Variants in BCAS1 observed in about 807,000 individuals in gnomAD.
BCAS1 encodes the protein brain enriched myelin associated protein 1.
In BCAS1, 46 loss-of-function variants were observed where a neutral mutation model predicts 65.4. That is an observed-to-expected ratio of 0.70 (90% CI 0.55 to 0.90). The LOEUF (loss-of-function observed/expected upper bound fraction) is 0.90, where lower values mean the gene tolerates loss of function less well. Ranked by LOEUF, BCAS1 falls within the 40% of genes least tolerant of loss-of-function variation. The pLI is 0.00. For synonymous variants in BCAS1, 298 were observed against 293.5 expected (o/e 1.02, Z -0.16); for missense variants, 793 against 771.2 (o/e 1.03, Z -0.33).
intron 3 of BCAS1, among the ~76,000 whole-genome samples, chr20:54,046,167 T>C (rs1045153195): frequency 2.6e-5 from 4 of 152,250 alleles, no homozygotes; most frequent in African/African-American, 9.6e-5. Flanking sequence ...CAGTTATCTA[T>C]GGCTGTGTAA....
At chr20:54,030,991 T>C (rs748165177) in intron 3 of BCAS1, among the ~76,000 whole-genome samples, 1 of 151,288 alleles carries the variant, frequency 6.6e-6, no homozygotes, top group Non-Finnish European at 1.5e-5. Context: ...TATAAATGAA[T>C]TGTGGGAATG....
At chr20:54,017,498 C>A (rs767347239) in intron 4 of BCAS1, among the ~76,000 whole-genome samples, 1 of 151,338 alleles carries the variant, frequency 6.6e-6, no homozygotes, top group South Asian at 2.1e-4. Flanking sequence ...CAGGTTCAAG[C>A]GATTCTCATG....
At chr20:54,010,764 G>A (rs891054694) in intron 4 of BCAS1, among the ~76,000 whole-genome samples, 7 of 152,144 alleles carry the variant, frequency 4.6e-5, no homozygotes, top group African/African-American at 1.7e-4. Context: ...ACATTTATAT[G>A]GAAAGACAAA....
intron 8 of BCAS1, among the ~76,000 whole-genome samples, chr20:53,978,776 C>G (rs2090401962): frequency 1.3e-5 from 2 of 152,192 alleles, no homozygotes; most frequent in Non-Finnish European, 2.9e-5. Flanking sequence ...TCTGATCCCC[C>G]TTTAGTGTTT....
intron 12 of BCAS1, among the ~76,000 whole-genome samples, chr20:53,947,829 C>G (rs10485441): frequency 1.3e-5 from 2 of 152,170 alleles, no homozygotes; most frequent in Admixed American, 1.3e-4. Context: ...ATCTCTGCAC[C>G]TTTACAACCC....
intron 4 of BCAS1, among the ~76,000 whole-genome samples, chr20:54,013,997 TATTAAA>T (rs1343911014): frequency 6.6e-6 from 1 of 152,230 alleles, no homozygotes; most frequent in Non-Finnish European, 1.5e-5. Context: ...ATATGTTACG[TATTAAA>T]ATTAAGACTA....
At chr20:53,956,874 A>G (rs1818084243) in intron 11 of BCAS1, among the ~76,000 whole-genome samples, 1 of 152,234 alleles carries the variant, frequency 6.6e-6, no homozygotes, top group African/African-American at 2.4e-5. Context: ...TGTCATAGCT[A>G]TGTTTCTTTA....
chr20:54,018,009 T>A (rs376622978), intron 4 of BCAS1, among the ~76,000 whole-genome samples: 157 of 152,236 alleles, frequency 1.0e-3, no homozygotes, highest in African/African-American at 3.3e-3. Context: ...AACAAACACT[T>A]CCCCAAAGCG....
chr20:53,957,607 C>T lies in BCAS1; in HGVS notation c.1486-110G>A, dbSNP rs2089742003. ...GTCATTTATCATTGAGGTTTGGGGT[C>T]AAGACAAATGGAAGGCCAACTGGAA... On this transcript the variant is annotated intron_variant, in intron 10 of 12. Coordinates refer to ENST00000688948, the MANE Select transcript of BCAS1 (RefSeq NM_001366298.2). The T allele has an allele frequency of 2.9e-6, 3 of 1,024,318 alleles. No homozygotes were observed. In the South Asian group the frequency reaches 4.1e-5, roughly 14 times the overall value. 63.5% of individuals were successfully genotyped at this position (1,024,318 alleles called of 1,614,324 possible). A position where few individuals can be genotyped will look rare whatever the true frequency, so the allele number is the denominator to read the frequency against.
At chr20:54,043,235 T>C (rs987929169) in intron 3 of BCAS1, among the ~76,000 whole-genome samples, 3 of 152,162 alleles carry the variant, frequency 2.0e-5, no homozygotes, top group Non-Finnish European at 4.4e-5. Flanking sequence ...CCCACAAATC[T>C]GCAAGCACAG....
chr20:53,950,954 C>T (rs935958363), intron 12 of BCAS1, among the ~76,000 whole-genome samples: 1 of 152,122 alleles, frequency 6.6e-6, no homozygotes, highest in African/African-American at 2.4e-5. Flanking sequence ...ATTTTTAATA[C>T]CCCTGGTCTA....
At chr20:53,963,423 G>C (rs957813630) in intron 10 of BCAS1, among the ~76,000 whole-genome samples, 1 of 151,998 alleles carries the variant, frequency 6.6e-6, no homozygotes, top group East Asian at 2.0e-4. Flanking sequence ...AGAGGTTGCA[G>C]CGGGCAGAGA....
intron 4 of BCAS1, among the ~76,000 whole-genome samples, chr20:54,022,285 T>TTTTG (rs1491224740): frequency 1.3e-5 from 2 of 150,564 alleles, no homozygotes; most frequent in East Asian, 3.9e-4. Flanking sequence ...TAATTGATTG[T>TTTTG]TGTGTGTGTG....
At chr20:54,066,786 G>A (rs1041405228) in intron 1 of BCAS1, among the ~76,000 whole-genome samples, 1 of 152,176 alleles carries the variant, frequency 6.6e-6, no homozygotes, top group African/African-American at 2.4e-5. Context: ...TGTTGTTTAA[G>A]CCACCTAGTC....
chr20:53,991,375 G>A (rs1006988195), intron 7 of BCAS1, among the ~76,000 whole-genome samples: 2 of 152,218 alleles, frequency 1.3e-5, no homozygotes, highest in Non-Finnish European at 1.5e-5. Context: ...AACATAGTCT[G>A]CTTACGCAAA....
chr20:54,018,455 G>A (rs1359630352), intron 4 of BCAS1, among the ~76,000 whole-genome samples: 7 of 145,662 alleles, frequency 4.8e-5, no homozygotes, highest in Non-Finnish European at 8.9e-5. Context: ...TCCTGCCTCA[G>A]CCTCCCGAGT....
At chr20:54,049,493 T>C (rs1034955101) in intron 3 of BCAS1, among the ~76,000 whole-genome samples, 2 of 152,006 alleles carry the variant, frequency 1.3e-5, no homozygotes, top group African/African-American at 4.8e-5. Flanking sequence ...GCATAAATAA[T>C]ATGCAGGTGG....
In BCAS1 at chr20:53,993,988, C is replaced by A. The variant is rs986251708; in HGVS notation, c.927+1024G>T. The stretch of plus-strand genomic sequence containing the variant: ...CTTCATTCAACCTTGGGGTCCAGGA[C>A]AAAGAATTTTTTTGTCCCAATTTTA... On this transcript the variant is annotated intron_variant, in intron 6 of 12. Coordinates refer to ENST00000688948, the MANE Select transcript of BCAS1 (RefSeq NM_001366298.2). Among the ~76,000 whole-genome samples the A allele has an allele frequency of 5.9e-5, 9 of 152,188 alleles. No individual in the cohort carries two copies. The East Asian group carries it at 1.7e-3, about 29-fold the overall frequency.
intron 3 of BCAS1, among the ~76,000 whole-genome samples, chr20:54,030,368 T>C (rs557720218): frequency 1.1e-3 from 163 of 152,352 alleles, no homozygotes; most frequent in African/African-American, 3.7e-3. Context: ...AGAAAAGTCA[T>C]GCAAAGGATC....
Sources: gnomAD v4.1 joint callset for allele counts (sites outside exome capture counted in the v4.1 genomes callset) on GRCh38, gnomAD v4.1.1 for gene constraint, MANE v1.5 for transcripts, NCBI Gene and HGNC (gene_info 2026-07-23, HGNC 2026-07-21) for gene names.